The following RBFOX1 variants were observed in gnomAD, a reference collection of about 807,000 sequenced individuals.
RBFOX1 encodes the protein RNA binding fox-1 homolog 1, also known as RNA binding protein fox-1 homolog 1.
In RBFOX1, 8 loss-of-function variants were observed where a neutral mutation model predicts 57.7. The ratio of observed to expected loss-of-function variants is 0.14; its 90% CI spans 0.08 to 0.25. RBFOX1 has a LOEUF of 0.25. Ranked by LOEUF, RBFOX1 falls within the 10% of genes least tolerant of loss-of-function variation. RBFOX1 has a pLI of 1.00. For missense variants in RBFOX1, 611 were observed against 548.5 expected, an observed-to-expected ratio of 1.11 and a Z score of -1.14; for synonymous variants, 326 against 222.4, an observed-to-expected ratio of 1.47 and a Z score of -4.15.
At chr16:6,229,271 A>G (rs2097440289) in intron 1 of RBFOX1, among the ~76,000 whole-genome samples, 1 of 152,198 alleles carries the variant, frequency 6.6e-6, no homozygotes, top group Non-Finnish European at 1.5e-5. Flanking sequence ...CTCTTTCTCC[A>G]AGGAAAATAC....
At chr16:5,975,238 A>C (rs2060038309) in intron 4 of RBFOX1, among the ~76,000 whole-genome samples, 1 of 152,102 alleles carries the variant, frequency 6.6e-6, no homozygotes, top group South Asian at 2.1e-4. Context: ...ATCGATCTCT[A>C]CTTTCTAACT....
chr16:6,948,572 G>T (rs1198965194), intron 3 of RBFOX1, among the ~76,000 whole-genome samples: 1 of 151,526 alleles, frequency 6.6e-6, no homozygotes, highest in Non-Finnish European at 1.5e-5. Context: ...AGTAGAGACA[G>T]GGTTTCACCA....
chr16:5,449,408 C>G (rs1443475580), intron 1 of RBFOX1, among the ~76,000 whole-genome samples: 2 of 152,160 alleles, frequency 1.3e-5, no homozygotes, highest in African/African-American at 4.8e-5. Flanking sequence ...GCACAAACCT[C>G]AGTTTCTGTT....
chr16:6,228,951 A>G (rs1452357819), intron 1 of RBFOX1, among the ~76,000 whole-genome samples: 3 of 152,138 alleles, frequency 2.0e-5, no homozygotes, highest in African/African-American at 7.2e-5. Flanking sequence ...GAAACAAACA[A>G]AAGTAGAGGT....
intron 4 of RBFOX1, among the ~76,000 whole-genome samples, chr16:5,980,027 C>A (rs527719244): frequency 6.6e-6 from 1 of 152,316 alleles, no homozygotes; most frequent in African/African-American, 2.4e-5. Context: ...GGAATTTGAT[C>A]CAAGGGTTCC....
At chr16:5,956,742 C>T (rs1204833776) in intron 4 of RBFOX1, among the ~76,000 whole-genome samples, 1 of 145,730 alleles carries the variant, frequency 6.9e-6, no homozygotes, top group Non-Finnish European at 1.5e-5. Context: ...AATCATGGCT[C>T]ACTGCAGCCT....
chr16:7,119,040 T>C (rs1271514303), intron 4 of RBFOX1, among the ~76,000 whole-genome samples: 1 of 152,118 alleles, frequency 6.6e-6, no homozygotes, highest in Non-Finnish European at 1.5e-5. Context: ...AGGTTACTTT[T>C]TGCAGGTGGG....
At chr16:6,852,279 G>A (rs953454713) in intron 3 of RBFOX1, among the ~76,000 whole-genome samples, 5 of 152,080 alleles carry the variant, frequency 3.3e-5, no homozygotes, top group South Asian at 2.1e-4. Flanking sequence ...GCTGTCTTCC[G>A]TTCTGTGTGT....
intron 5 of RBFOX1, among the ~76,000 whole-genome samples, chr16:7,562,613 G>T (rs962105899): frequency 1.3e-5 from 2 of 152,182 alleles, no homozygotes; most frequent in African/African-American, 4.8e-5. Context: ...AGCAGAATGA[G>T]ATGGGAGGCA....
At chr16:5,311,240 TATATC>T (rs1474738967) in intron 1 of RBFOX1, among the ~76,000 whole-genome samples, 1 of 152,184 alleles carries the variant, frequency 6.6e-6, no homozygotes, top group Non-Finnish European at 1.5e-5. Flanking sequence ...ACATATCACA[TATATC>T]ACACACATAT....
chr16:5,482,041 T>C (rs906900547), intron 2 of RBFOX1, among the ~76,000 whole-genome samples: 8 of 152,212 alleles, frequency 5.3e-5, no homozygotes, highest in African/African-American at 1.9e-4. Flanking sequence ...TAACAGCCTC[T>C]TCTTAGGTAG....
intron 3 of RBFOX1, among the ~76,000 whole-genome samples, chr16:5,713,570 C>G (rs964078505): frequency 4.7e-4 from 72 of 152,188 alleles, no homozygotes; most frequent in African/African-American, 1.6e-3. Context: ...TTCTAAAAGC[C>G]CAAACTAGTT....
intron 3 of RBFOX1, among the ~76,000 whole-genome samples, chr16:5,795,711 A>G (rs1300593346): frequency 6.6e-6 from 1 of 152,198 alleles, no homozygotes; most frequent in Non-Finnish European, 1.5e-5. Flanking sequence ...GGCCTCCTAA[A>G]TAGATCCATT....
intron 3 of RBFOX1, among the ~76,000 whole-genome samples, chr16:5,778,873 C>T (rs1252620766): frequency 6.6e-6 from 1 of 152,138 alleles, no homozygotes; most frequent in Non-Finnish European, 1.5e-5. Context: ...TTGTCATCTG[C>T]CTGATATGAT....
intron 2 of RBFOX1, among the ~76,000 whole-genome samples, chr16:6,332,437 G>A: frequency 6.6e-6 from 1 of 152,200 alleles, no homozygotes; most frequent in East Asian, 1.9e-4. Flanking sequence ...AGGTTGGATA[G>A]CAATTGTAAG....
intron 13 of RBFOX1, among the ~76,000 whole-genome samples, chr16:7,669,946 G>A (rs2070827675): frequency 6.6e-6 from 1 of 152,148 alleles, no homozygotes. Context: ...GAGACAAGAT[G>A]TTGAGTGTTT....
Position 6,163,422 on chromosome 16 carries a change from G to A in RBFOX1, c.-127+143430G>A, listed in dbSNP as rs1157946857. Among the ~76,000 whole-genome samples, 10 of 152,222 alleles carry A rather than the reference G, an allele frequency of 6.6e-5. No homozygotes were observed. In the East Asian group the frequency reaches 1.9e-3, roughly 29 times the overall value. ...CTGTTTGAGCATAAGCGATTGGTAA[G>A]TTCATTGTTGTTATAGCCCTTGGTT... On this transcript the variant is annotated intron_variant, in intron 1 of 15. Transcript: ENST00000550418.
intron 1 of RBFOX1, among the ~76,000 whole-genome samples, chr16:5,377,326 A>C (rs2066011230): frequency 6.6e-6 from 1 of 151,446 alleles, no homozygotes; most frequent in Non-Finnish European, 1.5e-5. Flanking sequence ...ACTACTTTTC[A>C]TGGAGAAGTC....
chr16:7,013,618 C>G (rs756430095), intron 3 of RBFOX1, among the ~76,000 whole-genome samples: 3 of 152,164 alleles, frequency 2.0e-5, no homozygotes, highest in African/African-American at 4.8e-5. Context: ...GTTATATTAC[C>G]TGGAATCAGG....
Sources: allele counts gnomAD v4.1 joint callset (sites outside exome capture counted in the v4.1 genomes callset), GRCh38; gene constraint gnomAD v4.1.1; transcripts MANE v1.5; gene names NCBI Gene and HGNC (gene_info 2026-07-23, HGNC 2026-07-21).